R3HCC1L: variants seen among roughly 807,000 people sequenced by gnomAD.
R3HCC1L encodes R3H domain and coiled-coil containing 1 like, also known as coiled-coil domain-containing protein R3HCC1L.
R3HCC1L carries 51 observed loss-of-function variants against 59.9 expected under a neutral mutation model. The observed-to-expected ratio is 0.85, with a 90% CI of 0.68 to 1.07. The LOEUF (loss-of-function observed/expected upper bound fraction) is 1.07, where lower values mean the gene tolerates loss of function less well. Among genes scored for constraint, R3HCC1L ranks in the 50% least tolerant of loss-of-function variants. The probability of loss-of-function intolerance (pLI) is 0.00; values close to 1 mark genes in which losing one functional copy is unlikely to be tolerated. For missense variants in R3HCC1L, 965 were observed against 933.0 expected (o/e 1.03, Z -0.45); for synonymous variants, 322 against 315.2 (o/e 1.02, Z -0.23).
intron 4 of R3HCC1L, among the ~76,000 whole-genome samples, chr10:98,196,089 T>C (rs1851401236): frequency 6.6e-6 from 1 of 152,224 alleles, no homozygotes; most frequent in Admixed American, 6.5e-5. Flanking sequence ...CAAAATATTA[T>C]ATTCTACTTA....
At chr10:98,218,498 G>C (rs1854476984) in intron 5 of R3HCC1L, among the ~76,000 whole-genome samples, 1 of 152,080 alleles carries the variant, frequency 6.6e-6, no homozygotes, top group South Asian at 2.1e-4. Context: ...AAAAACTTTT[G>C]TTTCATTGAT....
At chr10:98,158,908 G>A (rs886827711) in intron 2 of R3HCC1L, among the ~76,000 whole-genome samples, 3 of 151,684 alleles carry the variant, frequency 2.0e-5, no homozygotes, top group Non-Finnish European at 4.4e-5. Flanking sequence ...CTGGGCTCAA[G>A]CAATCCTCCT....
At chr10:98,171,334 T>C (rs531409834) in intron 4 of R3HCC1L, among the ~76,000 whole-genome samples, 1 of 152,334 alleles carries the variant, frequency 6.6e-6, no homozygotes, top group Non-Finnish European at 1.5e-5. Flanking sequence ...AAAAATTCTT[T>C]AATGTTTATT....
At chr10:98,194,828 C>T (rs750758743) in intron 4 of R3HCC1L, among the ~76,000 whole-genome samples, 1 of 152,228 alleles carries the variant, frequency 6.6e-6, no homozygotes, top group Middle Eastern at 3.4e-3. Context: ...CAAGTGTTGA[C>T]AAGGATGTAG....
chr10:98,241,287 A>G (rs923155937), intron 9 of R3HCC1L, among the ~76,000 whole-genome samples: 2 of 152,162 alleles, frequency 1.3e-5, no homozygotes, highest in African/African-American at 4.8e-5. Flanking sequence ...TCTAGAATAA[A>G]TTTTGAAAGT....
Position 98,244,726 on chromosome 10 carries a change from A to T in R3HCC1L, c.*568A>T, listed in dbSNP as rs373032495. 6.5e-6 allele frequency: 1 copy of T among 152,846 alleles called. No homozygotes were observed. The highest frequency in any genetic ancestry group is 2.4e-5 in the African/African-American group (1 of 41,460). The allele number at this position is 152,846 out of a possible 1,614,324, so 9.5% of individuals were successfully genotyped here. A position where few individuals can be genotyped will look rare whatever the true frequency, so the allele number is the denominator to read the frequency against. On this transcript the variant is annotated 3_prime_UTR_variant, in exon 10 of 10. Coordinates refer to ENST00000298999, the MANE Select transcript of R3HCC1L (RefSeq NM_001351015.2). ...CAGGAGATGTGGGTATTTAGACTCC[A>T]AAGTTTATACTGAGCTCAGTGCCTG...
intron 1 of R3HCC1L, among the ~76,000 whole-genome samples, chr10:98,136,769 G>C (rs1473301002): frequency 6.6e-6 from 1 of 151,936 alleles, no homozygotes; most frequent in African/African-American, 2.4e-5. Context: ...TCCTGGAGGT[G>C]GAAGTTGCAG....
chr10:98,146,188 C>T (rs1008457781), intron 1 of R3HCC1L, among the ~76,000 whole-genome samples: 9 of 151,450 alleles, frequency 5.9e-5, no homozygotes, highest in African/African-American at 2.2e-4. Context: ...TTTTTGGTTA[C>T]AGCTCTGTTG....
intron 2 of R3HCC1L, among the ~76,000 whole-genome samples, chr10:98,158,087 G>A (rs1847058746): frequency 1.3e-5 from 2 of 152,140 alleles, no homozygotes; most frequent in Admixed American, 1.3e-4. Flanking sequence ...AGAATACGCT[G>A]ATAAACATGA....
At chr10:98,235,379 A>ATCAC in intron 7 of R3HCC1L, 46 bp from the exon 8 acceptor site, 1 of 1,533,668 alleles carries the variant, frequency 6.5e-7, no homozygotes, top group Non-Finnish European at 9.0e-7. Flanking sequence ...TTTCCTTTGC[A>ATCAC]TCACTCTACT....
At chr10:98,164,495 A>G (rs911566304) in intron 4 of R3HCC1L, among the ~76,000 whole-genome samples, 2 of 152,226 alleles carry the variant, frequency 1.3e-5, no homozygotes, top group African/African-American at 4.8e-5. Flanking sequence ...AAAGGCCTAC[A>G]TCTCAGAGCA....
At chr10:98,236,681 T>A (rs2135711315) in intron 9 of R3HCC1L, among the ~76,000 whole-genome samples, 1 of 152,318 alleles carries the variant, frequency 6.6e-6, no homozygotes, top group Non-Finnish European at 1.5e-5. Flanking sequence ...ACATCTAGAT[T>A]TACCTGTCTT....
chr10:98,229,884 T>C (rs1431148202), intron 5 of R3HCC1L, among the ~76,000 whole-genome samples: 1 of 152,216 alleles, frequency 6.6e-6, no homozygotes, highest in Non-Finnish European at 1.5e-5. Context: ...GGATTACATT[T>C]ATTGATTTGC....
At chr10:98,154,674 A>G (rs922101153) in intron 1 of R3HCC1L, among the ~76,000 whole-genome samples, 1 of 152,228 alleles carries the variant, frequency 6.6e-6, no homozygotes, top group Non-Finnish European at 1.5e-5. Context: ...TGGCCGTTCA[A>G]ATAAAGAGCA....
intron 1 of R3HCC1L, among the ~76,000 whole-genome samples, chr10:98,138,181 T>G (rs1176578296): frequency 6.6e-6 from 1 of 152,224 alleles, no homozygotes; most frequent in East Asian, 1.9e-4. Context: ...TATCTGCAGA[T>G]TCAGATGCTT....
At chr10:98,173,553 T>C (rs1452344104) in intron 4 of R3HCC1L, among the ~76,000 whole-genome samples, 1 of 152,174 alleles carries the variant, frequency 6.6e-6, no homozygotes, top group Admixed American at 6.5e-5. Context: ...AGGCTGCTGA[T>C]GTTCCTGATT....
At chr10:98,160,714 A>G (rs1847332885) in intron 2 of R3HCC1L, among the ~76,000 whole-genome samples, 1 of 152,178 alleles carries the variant, frequency 6.6e-6, no homozygotes, top group Non-Finnish European at 1.5e-5. Context: ...AAACATCAAC[A>G]TGTTTCCAAA....
At chr10:98,236,196 C>T in intron 9 of R3HCC1L, 32 bp downstream of exon 9, 1 of 1,608,056 alleles carries the variant, frequency 6.2e-7, no homozygotes, top group Non-Finnish European at 8.5e-7. Flanking sequence ...CTTCTCTAGG[C>T]CCTTCAGAAC....
chr10:98,139,848 A>G (rs1000779560), intron 1 of R3HCC1L, among the ~76,000 whole-genome samples: 1 of 150,026 alleles, frequency 6.7e-6, no homozygotes, highest in African/African-American at 2.5e-5. Flanking sequence ...TCCTTCTTGT[A>G]TCTTTTTTTT....
Sources: gnomAD v4.1 joint callset for allele counts (sites outside exome capture counted in the v4.1 genomes callset) on GRCh38, gnomAD v4.1.1 for gene constraint, MANE v1.5 for transcripts, NCBI Gene and HGNC (gene_info 2026-07-23, HGNC 2026-07-21) for gene names.